Variants in CNTNAP2 observed in about 807,000 individuals in gnomAD.
CNTNAP2 encodes contactin-associated protein-like 2.
In CNTNAP2, 98 loss-of-function variants were observed where a neutral mutation model predicts 155.2. That is an observed-to-expected ratio of 0.63 (90% CI 0.54 to 0.75). The LOEUF (loss-of-function observed/expected upper bound fraction) is 0.75. Ranked by LOEUF, CNTNAP2 falls within the 30% of genes least tolerant of loss-of-function variation. CNTNAP2 has a pLI of 0.00. For missense variants in CNTNAP2, 1,727 were observed against 1,688.1 expected, an observed-to-expected ratio of 1.02 and a Z score of -0.40; for synonymous variants, 651 against 631.2, an observed-to-expected ratio of 1.03 and a Z score of -0.47.
chr7:148,418,655 A>T lies in CNTNAP2; in HGVS notation c.*3039A>T, dbSNP rs1370305719. 2 of 152,244 alleles carry T rather than the reference A, an allele frequency of 1.3e-5. No individual in the cohort carries two copies. Among genetic ancestry groups the T allele is most frequent in the Admixed American group, 1.3e-4 (2 of 15,282 alleles). 9.4% of individuals were successfully genotyped at this position (152,244 alleles called of 1,614,324 possible). A position where few individuals can be genotyped will look rare whatever the true frequency, so the allele number is the denominator to read the frequency against. Reference sequence around the variant, plus strand: ...GAAAGCTGGTCCAGGAGGTTGAAAAAGCTATTTTGTTGTTAAATTATTTTC... The same window carrying T: ...GAAAGCTGGTCCAGGAGGTTGAAAATGCTATTTTGTTGTTAAATTATTTTC... On this transcript the variant is annotated 3_prime_UTR_variant, in exon 24 of 24. Transcript: ENST00000361727.
chr7:146,622,059 T>C (rs1799327036), intron 1 of CNTNAP2, among the ~76,000 whole-genome samples: 1 of 152,060 alleles, frequency 6.6e-6, no homozygotes. Context: ...CACACCTGCA[T>C]CACTACAGAG....
At chr7:146,140,632 A>T (rs1797863579) in intron 1 of CNTNAP2, among the ~76,000 whole-genome samples, 1 of 152,162 alleles carries the variant, frequency 6.6e-6, no homozygotes, top group East Asian at 1.9e-4. Flanking sequence ...TGGGTAGTTA[A>T]TAAATGCTTG....
chr7:146,142,643 T>C (rs1404389488), intron 1 of CNTNAP2, among the ~76,000 whole-genome samples: 5 of 152,144 alleles, frequency 3.3e-5, no homozygotes, highest in African/African-American at 1.2e-4. Flanking sequence ...AAACAAACCT[T>C]AGAAATAGAT....
intron 8 of CNTNAP2, among the ~76,000 whole-genome samples, chr7:147,291,140 ATTTTTTTATTC>A (rs773807929): frequency 1.9e-3 from 281 of 151,830 alleles, no homozygotes; most frequent in Admixed American, 3.7e-3. Flanking sequence ...TATCAGCTTG[ATTTTTTTATTC>A]TTTTTTTAAA....
chr7:147,452,678 A>G (rs566178598), intron 10 of CNTNAP2, among the ~76,000 whole-genome samples: 254 of 152,332 alleles, frequency 1.7e-3, no homozygotes, highest in Non-Finnish European at 3.0e-3. Context: ...TATGCAAAGA[A>G]TTCACCTTTT....
rs1302873578 is a variant in CNTNAP2 at position 147,775,248 on chromosome 7, TATATATTTATAA to T, written c.2099-128305_2099-128294del. On this transcript the variant is annotated intron_variant, in intron 13 of 23. Transcript: ENST00000361727. ...AAAGAAATATATATATATATTTATA[TATATATTTATAA>T]ATATATTTATATATATATTTATAAA... is the stretch of plus-strand genomic sequence containing the variant. 5.5e-3 allele frequency among the ~76,000 whole-genome samples: 645 copies of T among 117,728 alleles called. 15 individuals carry two copies. Among genetic ancestry groups the T allele is most frequent in the African/African-American group, 0.019 (584 of 30,660 alleles). 77.2% of individuals were successfully genotyped at this position (117,728 alleles called of 152,430 possible). A position where few individuals can be genotyped will look rare whatever the true frequency, so the allele number is the denominator to read the frequency against.
chr7:146,120,367 G>A (rs1441916537), intron 1 of CNTNAP2, among the ~76,000 whole-genome samples: 1 of 152,100 alleles, frequency 6.6e-6, no homozygotes, highest in East Asian at 1.9e-4. Flanking sequence ...ACTAATTGGA[G>A]AGAAATGTAT....
intron 16 of CNTNAP2, among the ~76,000 whole-genome samples, chr7:148,121,958 G>A (rs989300885): frequency 1.3e-5 from 2 of 152,172 alleles, no homozygotes; most frequent in Non-Finnish European, 2.9e-5. Flanking sequence ...AATCAAGTGT[G>A]ATTTCTTTCC....
chr7:146,849,417 G>C (rs190056154), intron 3 of CNTNAP2, among the ~76,000 whole-genome samples: 120 of 152,286 alleles, frequency 7.9e-4, no homozygotes, highest in African/African-American at 2.7e-3. Context: ...GGTTCAGCAA[G>C]AAGTTCCATT....
intron 1 of CNTNAP2, among the ~76,000 whole-genome samples, chr7:146,386,681 T>C (rs138523335): frequency 1.1e-3 from 168 of 152,340 alleles, no homozygotes; most frequent in African/African-American, 3.9e-3. Flanking sequence ...CCACCGTGCC[T>C]GGTCCACATT....
At chr7:146,351,274 A>T (rs1246709980) in intron 1 of CNTNAP2, among the ~76,000 whole-genome samples, 2 of 152,186 alleles carry the variant, frequency 1.3e-5, no homozygotes, top group Non-Finnish European at 2.9e-5. Flanking sequence ...AAAAAGTTGC[A>T]ATGAAATCTG....
At chr7:148,410,269 A>AT (rs1024925607) in intron 23 of CNTNAP2, among the ~76,000 whole-genome samples, 38 of 133,878 alleles carry the variant, frequency 2.8e-4, no homozygotes, top group African/African-American at 1.1e-3. Flanking sequence ...ATAGCGTACT[A>AT]TAAAAAAATG....
chr7:146,555,075 C>G (rs1360352941), intron 1 of CNTNAP2, among the ~76,000 whole-genome samples: 2 of 152,126 alleles, frequency 1.3e-5, no homozygotes, highest in Non-Finnish European at 2.9e-5. Context: ...CTTACTCTTC[C>G]CTCAGCAGCT....
intron 21 of CNTNAP2, among the ~76,000 whole-genome samples, chr7:148,281,857 G>A (rs1425186339): frequency 3.5e-5 from 2 of 57,268 alleles, no homozygotes; most frequent in African/African-American, 1.0e-4. Context: ...TTTTTTTTGA[G>A]ACGGAGTCTC....
Position 147,574,700 on chromosome 7 carries a change from T to C in CNTNAP2, c.1897+12443T>C, listed in dbSNP as rs542316358. 3.3e-5 allele frequency among the ~76,000 whole-genome samples: 5 copies of C among 152,220 alleles called. No individual in the cohort carries two copies. The East Asian group carries it at 9.7e-4, about 29-fold the overall frequency. On this transcript the variant is annotated intron_variant, in intron 12 of 23. Transcript: ENST00000361727. ...TTGGAACCATTTGGGGAAAGAGGTC[T>C]AACAGCATGAACATTCAGTATTTGG...
chr7:146,364,801 ATAC>A (rs1409227678), intron 1 of CNTNAP2, among the ~76,000 whole-genome samples: 28 of 152,340 alleles, frequency 1.8e-4, no homozygotes, highest in Non-Finnish European at 3.2e-4. Flanking sequence ...TGGAAGACAC[ATAC>A]ACTACAGGAA....
At chr7:147,595,035 A>G (rs942712744) in intron 12 of CNTNAP2, among the ~76,000 whole-genome samples, 3 of 152,184 alleles carry the variant, frequency 2.0e-5, no homozygotes, top group African/African-American at 7.2e-5. Context: ...ACAAAGCAAA[A>G]CCAGACTTCC....
intron 3 of CNTNAP2, chr7:146,963,266 AC>A (rs559529009): frequency 2.6e-5 from 4 of 152,242 alleles, no homozygotes; most frequent in Non-Finnish European, 4.4e-5. Context: ...TTTGATAATT[AC>A]CTAAATTACT....
intron 1 of CNTNAP2, among the ~76,000 whole-genome samples, chr7:146,669,006 G>A (rs1800250075): frequency 6.6e-6 from 1 of 152,068 alleles, no homozygotes; most frequent in Non-Finnish European, 1.5e-5. Context: ...GTACCTGAAA[G>A]TATATTTTTC....
Sources: gnomAD v4.1 joint callset for allele counts (sites outside exome capture counted in the v4.1 genomes callset) on GRCh38, gnomAD v4.1.1 for gene constraint, MANE v1.5 for transcripts, NCBI Gene and HGNC (gene_info 2026-07-23, HGNC 2026-07-21) for gene names.